Variants in HDAC9 observed in about 807,000 individuals in gnomAD.
HDAC9 encodes histone deacetylase 9, also known as MEF-2 interacting transcription repressor (MITR) protein.
In HDAC9, 41 loss-of-function variants were observed where a neutral mutation model predicts 139.4. That is an observed-to-expected ratio of 0.29 (90% confidence interval 0.23 to 0.38). The LOEUF is 0.38. HDAC9 is among the 10% of genes least tolerant of loss of function. The probability of loss-of-function intolerance (pLI) is 1.00; values close to 1 mark genes in which losing one functional copy is unlikely to be tolerated. For synonymous variants in HDAC9, 517 were observed against 476.2 expected, an observed-to-expected ratio of 1.09 and a Z score of -1.12; for missense variants, 1,147 against 1,297.0, an observed-to-expected ratio of 0.88 and a Z score of 1.78.
intron 2 of HDAC9, among the ~76,000 whole-genome samples, chr7:18,497,865 T>C (rs1214738667): frequency 6.6e-6 from 1 of 152,156 alleles, no homozygotes; most frequent in Non-Finnish European, 1.5e-5. Context: ...AGCAAGTGTC[T>C]GCTGAAGCTA....
intron 12 of HDAC9, among the ~76,000 whole-genome samples, chr7:18,683,447 C>T (rs996889601): frequency 1.3e-5 from 2 of 152,018 alleles, no homozygotes; most frequent in Non-Finnish European, 2.9e-5. Context: ...AACATCGCTA[C>T]TTCTGAGCAG....
chr7:18,916,104 A>G (rs968099928), intron 22 of HDAC9, among the ~76,000 whole-genome samples: 2 of 151,530 alleles, frequency 1.3e-5, no homozygotes, highest in African/African-American at 4.8e-5. Context: ...CTGTTCTTGC[A>G]TTTTCTTGGG....
intron 22 of HDAC9, among the ~76,000 whole-genome samples, chr7:18,920,595 G>GT (rs1402594911): frequency 1.3e-5 from 2 of 152,248 alleles, no homozygotes; most frequent in African/African-American, 4.8e-5. Flanking sequence ...AATGCTTCCA[G>GT]TTTTTGTCCA....
chr7:18,990,379 C>T (rs533353875), intron 25 of HDAC9, among the ~76,000 whole-genome samples: 5 of 152,204 alleles, frequency 3.3e-5, no homozygotes, highest in African/African-American at 1.2e-4. Context: ...GGGTCAGGGA[C>T]CCACTTGAGG....
chr7:18,758,724 AGTGTCTCT>A (rs1352725972), intron 14 of HDAC9, among the ~76,000 whole-genome samples: 2 of 152,120 alleles, frequency 1.3e-5, no homozygotes, highest in African/African-American at 4.8e-5. Flanking sequence ...TTCTCCTAGC[AGTGTCTCT>A]GTGAGATACA....
At chr7:18,207,559 A>ATTTTTTTTTTTTTTTTTTTCT (rs1584636090) in intron 2 of HDAC9, among the ~76,000 whole-genome samples, 1 of 37,348 alleles carries the variant, frequency 2.7e-5, no homozygotes, top group Admixed American at 3.2e-4. Flanking sequence ...TTTTTTTTTG[A>ATTTTTTTTTTTTTTTTTTTCT]TTTGAGCTTT....
chr7:18,314,801 A>G (rs1369884446), intron 1 of HDAC9, among the ~76,000 whole-genome samples: 2 of 152,254 alleles, frequency 1.3e-5, no homozygotes, highest in Admixed American at 1.3e-4. Context: ...TTTAAGCTAC[A>G]TGATTGTATT....
At position 18,478,403 on chromosome 7, in the gene HDAC9, T is replaced by C. The variant is rs529954318; in HGVS notation, c.-41-17859T>C. 7.2e-5 allele frequency among the ~76,000 whole-genome samples: 11 copies of C among 152,328 alleles called. No individual in the cohort carries two copies. In the South Asian group the frequency reaches 2.3e-3, roughly 32 times the overall value. The stretch of plus-strand genomic sequence containing the variant: ...TGTACTTTTAAGTGCAGTTTATGCA[T>C]TTTCTAATTCTGTGCTGCACTCTCA... On this transcript the variant is annotated intron_variant, in intron 1 of 3. Coordinates refer to the HDAC9 transcript ENST00000413509.
At chr7:18,622,806 T>A (rs555597652) in intron 6 of HDAC9, among the ~76,000 whole-genome samples, 2 of 152,220 alleles carry the variant, frequency 1.3e-5, no homozygotes, top group South Asian at 2.1e-4. Context: ...TGAAATTTTT[T>A]AATCTAAATT....
chr7:18,109,045 A>T (rs1252402489), intron 1 of HDAC9, among the ~76,000 whole-genome samples: 1 of 152,232 alleles, frequency 6.6e-6, no homozygotes, highest in African/African-American at 2.4e-5. Flanking sequence ...GAAAGGAATA[A>T]GGTACCATGG....
At chr7:18,450,831 G>GT (rs1443576998) in intron 1 of HDAC9, among the ~76,000 whole-genome samples, 2 of 149,832 alleles carry the variant, frequency 1.3e-5, no homozygotes, top group African/African-American at 5.1e-5. Context: ...GGAAAGGAGT[G>GT]TTTGTTTAGA....
intron 2 of HDAC9, among the ~76,000 whole-genome samples, chr7:18,571,419 G>T (rs1824238965): frequency 6.6e-6 from 1 of 152,168 alleles, no homozygotes; most frequent in Non-Finnish European, 1.5e-5. Context: ...GAAGTGAGTG[G>T]ATAGAACCTT....
intron 3 of HDAC9, among the ~76,000 whole-genome samples, chr7:18,585,800 A>G (rs1829299689): frequency 6.6e-6 from 1 of 152,020 alleles, no homozygotes; most frequent in African/African-American, 2.4e-5. Context: ...CTCCTACGTG[A>G]TTTTGTTCAT....
intron 1 of HDAC9, among the ~76,000 whole-genome samples, chr7:18,337,600 C>T (rs550881556): frequency 1.3e-5 from 2 of 151,762 alleles, no homozygotes; most frequent in South Asian, 4.1e-4. Context: ...TTGCTGACTC[C>T]GGCCAGCCTG....
At chr7:18,660,387 C>T (rs753721412) in intron 11 of HDAC9, among the ~76,000 whole-genome samples, 12 of 152,126 alleles carry the variant, frequency 7.9e-5, no homozygotes, top group East Asian at 1.9e-4. Flanking sequence ...AGATGAAAAA[C>T]GGGTAGTTAT....
chr7:18,969,285 C>T (rs1784099579), intron 24 of HDAC9, among the ~76,000 whole-genome samples: 1 of 152,034 alleles, frequency 6.6e-6, no homozygotes, highest in Non-Finnish European at 1.5e-5. Context: ...AGGCATCAAA[C>T]AGAGACATCA....
chr7:18,349,361 C>CACACACAG (rs1554385113), intron 1 of HDAC9, among the ~76,000 whole-genome samples: 1 of 138,318 alleles, frequency 7.2e-6, no homozygotes, highest in East Asian at 2.1e-4. Context: ...CACACACACA[C>CACACACAG]AGATATTGCC....
intron 2 of HDAC9, among the ~76,000 whole-genome samples, chr7:18,183,121 T>C (rs1789600695): frequency 6.6e-6 from 1 of 152,004 alleles, no homozygotes; most frequent in Non-Finnish European, 1.5e-5. Context: ...GCCATTCTCC[T>C]GCCTCAGCTT....
In HDAC9 at chr7:18,229,966, T is replaced by G. The variant is rs556818920; in HGVS notation, c.25+67617T>G. On this transcript the variant is annotated intron_variant, in intron 2 of 12. Coordinates refer to the HDAC9 transcript ENST00000417496. ...ATGTTATTTCTAATGAACAGTGTCT[T>G]GAACTTAAATAAGAGAGAGAAAAAT... is the stretch of plus-strand genomic sequence containing the variant. Among the ~76,000 whole-genome samples the G allele has an allele frequency of 2.0e-5, 3 of 152,332 alleles. No individual in the cohort carries two copies. The South Asian group carries it at 6.2e-4, about 32-fold the overall frequency.
Sources: gnomAD v4.1 joint callset for allele counts (sites outside exome capture counted in the v4.1 genomes callset) on GRCh38, gnomAD v4.1.1 for gene constraint, MANE v1.5 for transcripts, NCBI Gene and HGNC (gene_info 2026-07-23, HGNC 2026-07-21) for gene names.